The following ERCC3 variants were observed in gnomAD, a reference collection of about 807,000 sequenced individuals.
The protein encoded by ERCC3 is general transcription and DNA repair factor IIH helicase/translocase subunit XPB.
In ERCC3, 66 loss-of-function variants were observed where a neutral mutation model predicts 94.2. That is an observed-to-expected ratio of 0.70 (90% CI 0.57 to 0.86). The LOEUF (loss-of-function observed/expected upper bound fraction) is 0.86, where lower values mean the gene tolerates loss of function less well. Ranked by LOEUF, ERCC3 falls within the 40% of genes least tolerant of loss-of-function variation. The pLI is 0.00. For synonymous variants in ERCC3, 349 were observed against 369.1 expected, an observed-to-expected ratio of 0.95 and a Z score of 0.63; for missense variants, 829 against 987.1, an observed-to-expected ratio of 0.84 and a Z score of 2.15.
chr2:127,283,688 T>C (rs1573953804), intron 8 of ERCC3, among the ~76,000 whole-genome samples: 3 of 152,230 alleles, frequency 2.0e-5, no homozygotes. Context: ...TCCAGGAATG[T>C]GTGACAGTTC....
At chr2:127,290,741 C>T in intron 3 of ERCC3, 1 of 257,358 alleles carries the variant, frequency 3.9e-6, no homozygotes, top group Non-Finnish European at 7.6e-6. Context: ...AGGTTCCCAA[C>T]CACCTTTAGG....
intron 10 of ERCC3, among the ~76,000 whole-genome samples, chr2:127,278,755 C>T (rs752145423): frequency 2.0e-5 from 3 of 152,208 alleles, no homozygotes; most frequent in African/African-American, 4.8e-5. Flanking sequence ...CTTCCAGATG[C>T]CAGTCCGTAC....
At position 127,279,182 on chromosome 2, in the gene ERCC3, C is replaced by T. The variant is rs373218532; in HGVS notation, c.1721G>A (p.Arg574Gln). 22 of 1,610,116 alleles carry T rather than the reference C, an allele frequency of 1.4e-5. No individual in the cohort carries two copies. The highest frequency in any genetic ancestry group is 1.6e-4 in the Middle Eastern group (1 of 6,074). Residue 574 changes from arginine to glutamine, a missense_variant, in exon 10 of 15, where the codon CGA (arginine) becomes CAA (glutamine). Transcript: ENST00000285398. The surrounding 1 kb of genome is among the most constrained non-coding windows in gnomAD (Gnocchi z 4.7). ...NVFALKEYAIRLNKPYIYGPT... is the reference protein window; with the variant it reads ...NVFALKEYAIQLNKPYIYGPT... ...AGTTTTCAATTCTTACTTGTTCAGT[C>T]GAATGGCATATTCCTTTAGGGCAAA...
chr2:127,273,244 C>T (rs896112912), intron 10 of ERCC3, among the ~76,000 whole-genome samples: 2 of 152,134 alleles, frequency 1.3e-5, no homozygotes, highest in African/African-American at 4.8e-5. Context: ...CTCTTACTCT[C>T]AGCACAGAGT....
At position 127,272,000 on chromosome 2, in the gene ERCC3, CTCATT is replaced by C. The variant is rs1484731230; in HGVS notation, c.1828-552_1828-548del. Among the ~76,000 whole-genome samples the C allele has an allele frequency of 1.4e-5, 2 of 140,008 alleles. No homozygotes were observed. 91.9% of individuals were successfully genotyped at this position (140,008 alleles called of 152,430 possible). A position where few individuals can be genotyped will look rare whatever the true frequency, so the allele number is the denominator to read the frequency against. ...GCGCCCAGCCACAATCACATAAAAT[CTCATT>C]TCTTTTTTTTTTTTTTTTTTTTTTT... On this transcript the variant is annotated intron_variant, in intron 11 of 14. Coordinates refer to ENST00000285398, the MANE Select transcript of ERCC3 (RefSeq NM_000122.2). The surrounding 1 kb of genome is among the most constrained non-coding windows in gnomAD (Gnocchi z 5.0).
intron 8 of ERCC3, among the ~76,000 whole-genome samples, chr2:127,282,672 C>T (rs922287927): frequency 1.2e-4 from 19 of 152,174 alleles, no homozygotes; most frequent in African/African-American, 4.6e-4. Context: ...TTAACATTTG[C>T]TCTCTGGGAC....
At chr2:127,289,126 G>C (rs910026220) in intron 6 of ERCC3, among the ~76,000 whole-genome samples, 4 of 152,138 alleles carry the variant, frequency 2.6e-5, no homozygotes, top group Non-Finnish European at 5.9e-5. Context: ...GTGAAGACCA[G>C]CCTACCAGCC....
chr2:127,275,444 T>C (rs559088480), intron 10 of ERCC3, among the ~76,000 whole-genome samples: 4 of 152,342 alleles, frequency 2.6e-5, no homozygotes, highest in Non-Finnish European at 4.4e-5. Flanking sequence ...ATCATTCTAG[T>C]ACACAGGAGA....
Position 127,291,587 on chromosome 2 carries a change from G to C in ERCC3, c.471+1023C>G, listed in dbSNP as rs1364805227. Among the ~76,000 whole-genome samples the C allele has an allele frequency of 2.6e-5, 4 of 152,176 alleles. No individual in the cohort carries two copies. The highest frequency in any genetic ancestry group is 6.5e-5 in the Admixed American group (1 of 15,280). ...GGCACGCTTTCACATCACAGGAAAA[G>C]AGAGTTCTCTCCAGGACTCCTGCAG... On this transcript the variant is annotated intron_variant, in intron 3 of 14. Transcript: ENST00000285398. This position sits in a 1 kb window ranked among gnomAD's most constrained non-coding sequence, Gnocchi z 4.9.
In ERCC3 at chr2:127,292,847, C is replaced by T. The variant is rs1420747225; in HGVS notation, c.235-1G>A. On this transcript the variant is annotated splice_acceptor_variant, in intron 2 of 14. Transcript: ENST00000285398. LOFTEE classifies it high-confidence loss of function. Reference sequence around the variant, plus strand: ...CCAAGAAGATATGGCCATCGGGAGCCTGAGAGATACCAAATGGACAAAACA... The same window carrying T: ...CCAAGAAGATATGGCCATCGGGAGCTTGAGAGATACCAAATGGACAAAACA... 1.3e-6 allele frequency: 2 copies of T among 1,587,140 alleles called. No homozygotes were observed. Among genetic ancestry groups the T allele is most frequent in the African/African-American group, 1.3e-5 (1 of 74,484 alleles).
chr2:127,273,487 C>T (rs372629388), intron 10 of ERCC3, among the ~76,000 whole-genome samples: 2 of 151,622 alleles, frequency 1.3e-5, no homozygotes, highest in South Asian at 4.2e-4. Flanking sequence ...CGGTGGTTCA[C>T]GCCTGTAATC....
At chr2:127,293,168 A>T (rs1685336283) in intron 2 of ERCC3, among the ~76,000 whole-genome samples, 1 of 152,244 alleles carries the variant, frequency 6.6e-6, no homozygotes, top group Admixed American at 6.5e-5. Flanking sequence ...AGTAGAGCAA[A>T]AGCTTGCTAC....
chr2:127,268,604 C>T (rs1416316923), intron 12 of ERCC3, among the ~76,000 whole-genome samples: 2 of 152,120 alleles, frequency 1.3e-5, no homozygotes, highest in Admixed American at 1.3e-4. Flanking sequence ...AAAACAGTCC[C>T]CCAATCTCTT....
At chr2:127,268,403 C>T (rs1359282378) in intron 12 of ERCC3, among the ~76,000 whole-genome samples, 3 of 152,112 alleles carry the variant, frequency 2.0e-5, no homozygotes, top group Admixed American at 6.5e-5. Flanking sequence ...GGACTACAGG[C>T]GCACACCACC....
In ERCC3 at chr2:127,292,606, T is replaced by G; in HGVS notation, c.471+4A>C. On this transcript the variant is annotated splice_donor_region_variant and intron_variant, in intron 3 of 14. Coordinates refer to ENST00000285398, the MANE Select transcript of ERCC3 (RefSeq NM_000122.2). ...TGGAATTGCTGGTCTCAGCTGTCACTTGCCTTAATAAACTGCATAATTCCA... is the reference window on the plus strand; with the variant it reads ...TGGAATTGCTGGTCTCAGCTGTCACGTGCCTTAATAAACTGCATAATTCCA... 1 of 1,584,620 alleles carries G rather than the reference T, an allele frequency of 6.3e-7. No individual in the cohort carries two copies. Among genetic ancestry groups the G allele is most frequent in the Non-Finnish European group, 8.7e-7 (1 of 1,153,458 alleles).
chr2:127,282,215 C>T (rs4150448), intron 8 of ERCC3, among the ~76,000 whole-genome samples: 13,280 of 152,206 alleles, frequency 0.087, 768 homozygotes, highest in African/African-American at 0.17. Flanking sequence ...GGAAACACTC[C>T]TCTGACTTCT....
chr2:127,262,351 G>C (rs1413254911), intron 12 of ERCC3: 1 of 152,256 alleles, frequency 6.6e-6, no homozygotes, highest in Non-Finnish European at 1.5e-5. Flanking sequence ...AAATTAGCCA[G>C]GCGTGGTGGC....
chr2:127,268,966 G>C (rs1404493440), intron 12 of ERCC3, among the ~76,000 whole-genome samples: 1 of 151,272 alleles, frequency 6.6e-6, no homozygotes, highest in East Asian at 1.9e-4. Flanking sequence ...CTGAGATACA[G>C]TGACAGTCCG....
intron 12 of ERCC3, among the ~76,000 whole-genome samples, chr2:127,266,572 C>T (rs1684374486): frequency 1.3e-5 from 2 of 151,918 alleles, no homozygotes; most frequent in Admixed American, 6.6e-5. Flanking sequence ...CTCCTGACCT[C>T]GTGATCCACC....
Sources: gnomAD v4.1 joint callset for allele counts (sites outside exome capture counted in the v4.1 genomes callset) on GRCh38, gnomAD v4.1.1 for gene constraint, Gnocchi (gnomAD v3.1) non-coding constraint, MANE v1.5 for transcripts, NCBI Gene and HGNC (gene_info 2026-07-23, HGNC 2026-07-21) for gene names.